The following SUMF1 variants were observed in gnomAD, a reference collection of about 807,000 sequenced individuals.
The protein encoded by SUMF1 is sulfatase modifying factor 1.
A neutral mutation model predicts 47.6 loss-of-function variants in SUMF1; 48 were observed. The observed-to-expected ratio is 1.01, with a 90% CI of 0.80 to 1.28. The LOEUF is 1.28. Among genes scored for constraint, SUMF1 ranks in the 50% most tolerant of loss-of-function variants. SUMF1 has a pLI of 0.00. For synonymous variants in SUMF1, 230 were observed against 192.1 expected, an observed-to-expected ratio of 1.20 and a Z score of -1.63; for missense variants, 571 against 485.4, an observed-to-expected ratio of 1.18 and a Z score of -1.66.
intron 1 of SUMF1, among the ~76,000 whole-genome samples, chr3:4,460,626 G>C (rs1393528941): frequency 2.7e-5 from 4 of 146,940 alleles, no homozygotes; most frequent in Non-Finnish European, 5.9e-5. Context: ...GTGTGTGTGA[G>C]AGTGTGTGTG....
chr3:4,360,205 CTTTTTTTTTT>C, downstream of SUMF1, among the ~76,000 whole-genome samples: 1 of 104,114 alleles, frequency 9.6e-6, no homozygotes, highest in Non-Finnish European at 2.0e-5. Context: ...AATGTTTGTT[CTTTTTTTTTT>C]TTTTTTTTGC....
chr3:4,229,754 C>G (rs994827393), intron 8 of SUMF1, among the ~76,000 whole-genome samples: 78 of 152,176 alleles, frequency 5.1e-4, no homozygotes, highest in Admixed American at 4.9e-3. Flanking sequence ...TGGCTCATGT[C>G]TCTAATCCCA....
Position 4,467,063 on chromosome 3 carries a change from A to G in SUMF1, c.183T>C (p.His61=), listed in dbSNP as rs763328846. 8 of 1,567,192 alleles carry G rather than the reference A, an allele frequency of 5.1e-6. No individual in the cohort carries two copies. In the Admixed American group the frequency reaches 5.7e-5, roughly 11 times the overall value. The change falls in exon 1 of 9, where the codon CAT becomes CAC. Residue 61 remains histidine, a synonymous_variant. Coordinates refer to ENST00000272902, the MANE Select transcript of SUMF1 (RefSeq NM_182760.4). Reference sequence around the variant, plus strand: ...ATCGGTGAGCGGCTGCCGAACTGCCATGGGCGCCAGGCCGCTGGGGCGTGC... The same window carrying G: ...ATCGGTGAGCGGCTGCCGAACTGCCGTGGGCGCCAGGCCGCTGGGGCGTGC... ...GCGTPQRPGA[H]GSSAAAHRYS...
At chr3:4,163,878 G>A (rs887557102) in intron 8 of SUMF1, among the ~76,000 whole-genome samples, 9 of 152,110 alleles carry the variant, frequency 5.9e-5, no homozygotes, top group African/African-American at 2.2e-4. Context: ...AAGGAGTGGG[G>A]AAGACCATAT....
At chr3:4,122,187 A>G (rs907909159) in intron 8 of SUMF1, among the ~76,000 whole-genome samples, 1 of 152,186 alleles carries the variant, frequency 6.6e-6, no homozygotes, top group Non-Finnish European at 1.5e-5. Context: ...CACAATAAGC[A>G]AAAGGTAGAA....
intron 1 of SUMF1, among the ~76,000 whole-genome samples, chr3:4,461,969 G>A (rs2079826232): frequency 6.6e-6 from 1 of 152,114 alleles, no homozygotes; most frequent in Non-Finnish European, 1.5e-5. Flanking sequence ...TTCTGCCACT[G>A]CCACTCAAGC....
intron 4 of SUMF1, among the ~76,000 whole-genome samples, chr3:4,418,572 G>A (rs1701793218): frequency 6.6e-6 from 1 of 152,164 alleles, no homozygotes; most frequent in African/African-American, 2.4e-5. Context: ...TCAACCTATG[G>A]GCCATATACA....
chr3:4,168,488 A>G (rs1694760984), intron 8 of SUMF1, among the ~76,000 whole-genome samples: 1 of 152,212 alleles, frequency 6.6e-6, no homozygotes, highest in Non-Finnish European at 1.5e-5. Context: ...TTAAACTATT[A>G]GTAGGTGGTC....
chr3:4,168,628 T>G (rs1694764020), intron 8 of SUMF1, among the ~76,000 whole-genome samples: 1 of 152,194 alleles, frequency 6.6e-6, no homozygotes, highest in Non-Finnish European at 1.5e-5. Context: ...TTCAAAAAGT[T>G]TTTTTAATGA....
intron 3 of SUMF1, among the ~76,000 whole-genome samples, chr3:4,423,943 G>A (rs1032994945): frequency 2.0e-5 from 3 of 152,096 alleles, no homozygotes; most frequent in African/African-American, 7.2e-5. Context: ...AAGGCCTGAG[G>A]CCTCCCCAAA....
intron 7 of SUMF1, among the ~76,000 whole-genome samples, chr3:4,390,916 A>C (rs1218188790): frequency 1.3e-5 from 2 of 152,136 alleles, no homozygotes; most frequent in Non-Finnish European, 2.9e-5. Context: ...CCAGAGTTTT[A>C]GTTGTATTTA....
chr3:4,378,361 T>G (rs1700393526), intron 7 of SUMF1, among the ~76,000 whole-genome samples: 1 of 152,190 alleles, frequency 6.6e-6, no homozygotes, highest in East Asian at 1.9e-4. Context: ...GCATATCACT[T>G]TTGCACAATT....
At chr3:4,068,348 T>C (rs746194540) in intron 9 of SUMF1, among the ~76,000 whole-genome samples, 1 of 152,158 alleles carries the variant, frequency 6.6e-6, no homozygotes, top group Non-Finnish European at 1.5e-5. Context: ...AATAGAAATA[T>C]AATGTGAGCC....
intron 8 of SUMF1, among the ~76,000 whole-genome samples, chr3:4,180,683 A>AACACACACACACACACACAC (rs59921396): frequency 0.28 from 38,882 of 139,480 alleles, 5,853 homozygotes; most frequent in East Asian, 0.32. Context: ...CCTAGAACTT[A>AACACACACACACACACACAC]ACACACACAC....
At chr3:4,363,802 A>C (rs920627871) in intron 8 of SUMF1, among the ~76,000 whole-genome samples, 2 of 126,588 alleles carry the variant, frequency 1.6e-5, no homozygotes, top group African/African-American at 6.0e-5. Flanking sequence ...GTCTTGTGCC[A>C]GTTTTCAAAG....
intron 8 of SUMF1, among the ~76,000 whole-genome samples, chr3:4,138,335 T>A (rs1329213194): frequency 6.6e-6 from 1 of 152,114 alleles, no homozygotes; most frequent in Admixed American, 6.6e-5. Context: ...GATCTCTACA[T>A]CTCTGGGATG....
intron 8 of SUMF1, among the ~76,000 whole-genome samples, chr3:4,322,943 T>C (rs1698867314): frequency 6.6e-6 from 1 of 152,194 alleles, no homozygotes; most frequent in East Asian, 1.9e-4. Context: ...CAAATGTTCA[T>C]ATAGCATTAT....
intron 8 of SUMF1, among the ~76,000 whole-genome samples, chr3:4,206,911 T>C (rs1160345321): frequency 2.6e-5 from 4 of 152,144 alleles, no homozygotes; most frequent in Non-Finnish European, 5.9e-5. Flanking sequence ...ATTTTGATAA[T>C]GATTATGTTG....
intron 8 of SUMF1, among the ~76,000 whole-genome samples, chr3:4,218,362 G>A (rs1056481912): frequency 1.3e-5 from 2 of 152,110 alleles, no homozygotes; most frequent in African/African-American, 2.4e-5. Flanking sequence ...TAGGTGGTGG[G>A]GGAAAAGTTA....
Sources: gnomAD v4.1 joint callset for allele counts (sites outside exome capture counted in the v4.1 genomes callset) on GRCh38, gnomAD v4.1.1 for gene constraint, MANE v1.5 for transcripts, NCBI Gene and HGNC (gene_info 2026-07-23, HGNC 2026-07-21) for gene names.